The following SNX8 variants were observed in gnomAD, a reference collection of about 807,000 sequenced individuals.
The protein encoded by SNX8 is sorting nexin-8.
In SNX8, 25 loss-of-function variants were observed where a neutral mutation model predicts 51.6. The observed-to-expected ratio is 0.48, with a 90% CI of 0.35 to 0.68. The LOEUF (loss-of-function observed/expected upper bound fraction) is 0.68, where lower values mean the gene tolerates loss of function less well. Ranked by LOEUF, SNX8 falls within the 30% of genes least tolerant of loss-of-function variation. SNX8 has a pLI of 0.00. For missense variants in SNX8, 695 were observed against 624.0 expected (o/e 1.11, Z -1.21); for synonymous variants, 324 against 277.0 (o/e 1.17, Z -1.68).
chr7:2,303,314 C>A (rs1796455919), intron 1 of SNX8, among the ~76,000 whole-genome samples: 1 of 151,164 alleles, frequency 6.6e-6, no homozygotes, highest in South Asian at 2.1e-4. Context: ...GCCAGCCGCC[C>A]CGTCCGGGAG....
rs779617612 is a variant in SNX8, at chr7:2,264,323, G to T, written c.757C>A (p.Leu253Ile). 5 of 1,612,316 alleles carry T rather than the reference G, an allele frequency of 3.1e-6. No individual in the cohort carries two copies. The highest frequency in any genetic ancestry group is 1.7e-5 in the Admixed American group (1 of 59,982). The change falls in exon 6 of 11, where the codon CTT becomes ATT. Residue 253 changes from leucine to isoleucine, a missense_variant. By Grantham distance (5) the Leu-to-Ile change is conservative. Transcript: ENST00000222990. ...CTTAGCTCCTTCCCGAATATGAGAA[G>T]ATCTGCCGCATTGTCGATGGCCCGC... ...ASRAIDNAAD[L>I]LIFGKELSAI...
intron 1 of SNX8, chr7:2,354,015 G>A (rs924029952): frequency 1.3e-5 from 2 of 152,392 alleles, no homozygotes; most frequent in Non-Finnish European, 2.9e-5. Flanking sequence ...CACCCGCGCA[G>A]AGCGAACCGC....
chr7:2,324,187 G>C (rs914298898), intron 1 of SNX8, among the ~76,000 whole-genome samples: 3 of 152,010 alleles, frequency 2.0e-5, no homozygotes, highest in South Asian at 2.1e-4. Flanking sequence ...GCTCACGTCT[G>C]TAATCATAGC....
intron 1 of SNX8, among the ~76,000 whole-genome samples, chr7:2,298,393 G>A (rs1358894074): frequency 3.3e-5 from 5 of 152,002 alleles, no homozygotes; most frequent in East Asian, 3.9e-4. Flanking sequence ...TTTTTGAGAC[G>A]GAGTCTCATT....
chr7:2,302,082 A>G (rs527407749), intron 1 of SNX8, among the ~76,000 whole-genome samples: 2 of 151,916 alleles, frequency 1.3e-5, no homozygotes, highest in Non-Finnish European at 2.9e-5. Flanking sequence ...CTCTATTAAA[A>G]AAAAATACCC....
At chr7:2,285,256 G>T (rs955058224) in intron 1 of SNX8, among the ~76,000 whole-genome samples, 1 of 151,256 alleles carries the variant, frequency 6.6e-6, no homozygotes, top group Non-Finnish European at 1.5e-5. Context: ...AGGCATGGTG[G>T]CGGGCGCCTG....
At chr7:2,322,860 T>TA (rs60879648) in intron 1 of SNX8, among the ~76,000 whole-genome samples, 2 of 148,702 alleles carry the variant, frequency 1.3e-5, no homozygotes, top group African/African-American at 2.5e-5. Flanking sequence ...CTACTAAAAA[T>TA]AAAAAAAAAA....
intron 1 of SNX8, among the ~76,000 whole-genome samples, chr7:2,341,278 C>A (rs1778919024): frequency 1.3e-5 from 2 of 152,006 alleles, no homozygotes; most frequent in South Asian, 4.1e-4. Flanking sequence ...GCAGGAGGAT[C>A]GCTTGAGGCC....
upstream of SNX8, among the ~76,000 whole-genome samples, chr7:2,315,834 G>A (rs1036852717): frequency 2.3e-5 from 3 of 128,610 alleles, no homozygotes; most frequent in African/African-American, 6.1e-5. Flanking sequence ...ACTGCATCCT[G>A]CATTCATTCA....
At chr7:2,297,925 G>T (rs994728949) in intron 1 of SNX8, among the ~76,000 whole-genome samples, 1 of 151,810 alleles carries the variant, frequency 6.6e-6, no homozygotes, top group Non-Finnish European at 1.5e-5. Flanking sequence ...ATTACCTACT[G>T]TGTACCATGG....
upstream of SNX8, among the ~76,000 whole-genome samples, chr7:2,316,508 C>G (rs1026638152): frequency 6.8e-6 from 1 of 148,022 alleles, no homozygotes; most frequent in Non-Finnish European, 1.5e-5. Context: ...CATTCATTCA[C>G]CCACTCACTC....
At chr7:2,289,815 C>T (rs1031234720) in intron 1 of SNX8, among the ~76,000 whole-genome samples, 6 of 152,130 alleles carry the variant, frequency 3.9e-5, no homozygotes, top group Non-Finnish European at 7.3e-5. Flanking sequence ...CCCAGCTATT[C>T]GGGAGGGTGA....
At chr7:2,270,604 C>A (rs181966896) in intron 4 of SNX8, among the ~76,000 whole-genome samples, 241 of 152,252 alleles carry the variant, frequency 1.6e-3, no homozygotes, top group South Asian at 4.1e-3. Flanking sequence ...CCGCCCCTCC[C>A]AGGTCCTGCC....
At chr7:2,270,314 C>CAAAA (rs57983721) in intron 4 of SNX8, among the ~76,000 whole-genome samples, 25,618 of 57,018 alleles carry the variant, frequency 0.45, 10,612 homozygotes, top group Non-Finnish European at 0.52. Context: ...TCTCATTTTA[C>CAAAA]AAAAAAAAAA....
chr7:2,272,657 T>A (rs1795677614), intron 3 of SNX8, among the ~76,000 whole-genome samples: 1 of 152,002 alleles, frequency 6.6e-6, no homozygotes, highest in South Asian at 2.1e-4. Flanking sequence ...ATTACAGGCG[T>A]AAGCCACCGC....
chr7:2,259,311 A>G, intron 7 of SNX8, among the ~76,000 whole-genome samples: 1 of 152,188 alleles, frequency 6.6e-6, no homozygotes. Context: ...CGGGCCCTGA[A>G]GGGCTCCGGT....
intron 1 of SNX8, 127 bp from the exon 2 acceptor site, chr7:2,278,432 C>T (rs1795834771): frequency 3.3e-6 from 2 of 606,572 alleles, no homozygotes; most frequent in South Asian, 2.1e-5. Flanking sequence ...TCACTTGAGC[C>T]CTGGAGTTCA....
chr7:2,257,603 C>T (rs1554261661), intron 8 of SNX8, 89 bp from the exon 9 acceptor site: 6 of 1,574,682 alleles, frequency 3.8e-6, no homozygotes, highest in Admixed American at 1.7e-5. Context: ...CCCCGCCAGA[C>T]GGAAGGCCCC....
intron 1 of SNX8, among the ~76,000 whole-genome samples, chr7:2,319,642 C>T (rs532935318): frequency 3.4e-4 from 52 of 152,272 alleles, no homozygotes; most frequent in East Asian, 9.7e-4. Context: ...GGTGAAACCC[C>T]GTCTCTACTA....
Sources: allele counts gnomAD v4.1 joint callset (sites outside exome capture counted in the v4.1 genomes callset), GRCh38; gene constraint gnomAD v4.1.1; transcripts MANE v1.5; gene names NCBI Gene and HGNC (gene_info 2026-07-23, HGNC 2026-07-21).